Variants in MSRA observed in about 807,000 individuals in gnomAD.
MSRA encodes the protein methionine sulfoxide reductase A.
A neutral mutation model predicts 31.3 loss-of-function variants in MSRA; 54 were observed. The ratio of observed to expected loss-of-function variants is 1.73; its 90% CI spans 1.39 to 2.17. The LOEUF (loss-of-function observed/expected upper bound fraction) is 2.17. Among genes scored for constraint, MSRA ranks in the 30% most tolerant of loss-of-function variants. MSRA has a pLI of 0.00. For missense variants in MSRA, 507 were observed against 300.9 expected (o/e 1.69, Z -5.07); for synonymous variants, 169 against 116.5 (o/e 1.45, Z -2.90).
At chr8:10,395,417 A>G (rs1422721423) in intron 5 of MSRA, among the ~76,000 whole-genome samples, 1 of 152,162 alleles carries the variant, frequency 6.6e-6, no homozygotes, top group Non-Finnish European at 1.5e-5. Context: ...GGAGGTACTG[A>G]GGCTGGAAAG....
chr8:10,128,800 C>A (rs183978761), intron 1 of MSRA, among the ~76,000 whole-genome samples: 6 of 152,330 alleles, frequency 3.9e-5, no homozygotes, highest in African/African-American at 1.4e-4. Context: ...CTCATCTATT[C>A]ATTCATGCAA....
At chr8:10,221,693 G>A (rs1321921785) in intron 2 of MSRA, among the ~76,000 whole-genome samples, 1 of 152,202 alleles carries the variant, frequency 6.6e-6, no homozygotes, top group Admixed American at 6.5e-5. Flanking sequence ...CATATGGCAT[G>A]TCAGATTATG....
chr8:10,380,822 A>G (rs898350129), intron 5 of MSRA, among the ~76,000 whole-genome samples: 8 of 149,800 alleles, frequency 5.3e-5, no homozygotes, highest in Non-Finnish European at 7.4e-5. Flanking sequence ...GGTTGGGTGG[A>G]GAGATGGATG....
intron 1 of MSRA, among the ~76,000 whole-genome samples, chr8:10,180,337 C>G (rs1044579400): frequency 9.9e-5 from 15 of 152,200 alleles, no homozygotes; most frequent in Non-Finnish European, 2.2e-4. Context: ...AGCTTCCAGG[C>G]CCTTTGGGGT....
rs1303045833 is a variant in MSRA, at chr8:10,148,305, C to CT, written c.143-59514dup. Among the ~76,000 whole-genome samples the CT allele has an allele frequency of 8.1e-3, 1,113 of 138,144 alleles. 11 individuals are homozygous for CT. Among genetic ancestry groups the CT allele is most frequent in the African/African-American group, 0.018 (697 of 37,690 alleles). The allele number at this position is 138,144 out of a possible 152,430, so 90.6% of individuals were successfully genotyped here. The stretch of plus-strand genomic sequence containing the variant: ...TTTAGATCAGGGCTGAAGAGTTTTT[C>CT]TTTTTTTTTTTTTTATGAGAAAGGG... On this transcript the variant is annotated intron_variant, in intron 1 of 5. Transcript: ENST00000317173.
chr8:10,184,678 A>C (rs1806862955), intron 1 of MSRA, among the ~76,000 whole-genome samples: 1 of 152,076 alleles, frequency 6.6e-6, no homozygotes, highest in Admixed American at 6.5e-5. Flanking sequence ...ATTTGTTTTC[A>C]CTGATCTACT....
chr8:10,250,555 G>A (rs779098956), intron 3 of MSRA: 28 of 686,886 alleles, frequency 4.1e-5, no homozygotes, highest in Non-Finnish European at 5.0e-5. Flanking sequence ...CAAGCAGCAC[G>A]GGAAATCTGA....
chr8:10,337,556 T>A, intron 5 of MSRA: 1 of 618,222 alleles, frequency 1.6e-6, no homozygotes, highest in South Asian at 1.9e-5. Flanking sequence ...AAGTCTGATA[T>A]ACATCAATCC....
chr8:10,118,181 T>C (rs1307507767), intron 1 of MSRA, among the ~76,000 whole-genome samples: 2 of 152,172 alleles, frequency 1.3e-5, no homozygotes, highest in Non-Finnish European at 2.9e-5. Context: ...TGGAGTAATG[T>C]TTTTAGTTCA....
intron 1 of MSRA, among the ~76,000 whole-genome samples, chr8:10,073,859 A>G (rs1797858198): frequency 6.6e-6 from 1 of 151,752 alleles, no homozygotes; most frequent in Admixed American, 6.6e-5. Flanking sequence ...CTTTCATTTC[A>G]CTTCTTCTTG....
chr8:10,224,750 G>A (rs1298758494), intron 2 of MSRA, among the ~76,000 whole-genome samples: 1 of 152,174 alleles, frequency 6.6e-6, no homozygotes. Flanking sequence ...TCATTCCTTT[G>A]CTGGGGAAAT....
chr8:10,166,308 A>C (rs186706012), intron 1 of MSRA, among the ~76,000 whole-genome samples: 3 of 152,300 alleles, frequency 2.0e-5, no homozygotes, highest in Admixed American at 2.0e-4. Flanking sequence ...ACAGGAGTGC[A>C]TTTTGGCATA....
chr8:10,425,221 G>A (rs1809069895), intron 5 of MSRA, among the ~76,000 whole-genome samples: 1 of 152,196 alleles, frequency 6.6e-6, no homozygotes, highest in African/African-American at 2.4e-5. Context: ...GCCGGTGGCC[G>A]CCACCTCTAT....
At chr8:10,143,049 C>G (rs28461754) in intron 1 of MSRA, among the ~76,000 whole-genome samples, 5 of 152,182 alleles carry the variant, frequency 3.3e-5, no homozygotes, top group Admixed American at 3.3e-4. Flanking sequence ...GAAGATTTCA[C>G]TGGGGCATGC....
chr8:10,316,095 A>T (rs957701704), intron 4 of MSRA, among the ~76,000 whole-genome samples: 3 of 152,224 alleles, frequency 2.0e-5, no homozygotes, highest in African/African-American at 7.2e-5. Context: ...ACACTATTTC[A>T]TCTCCCTTGA....
chr8:10,120,858 C>T (rs1047737509), intron 1 of MSRA, among the ~76,000 whole-genome samples: 1 of 152,146 alleles, frequency 6.6e-6, no homozygotes, highest in Non-Finnish European at 1.5e-5. Flanking sequence ...CTCTGTGCAC[C>T]TGTACACGTC....
At chr8:10,327,252 C>G (rs531946632) in intron 5 of MSRA, among the ~76,000 whole-genome samples, 3 of 152,058 alleles carry the variant, frequency 2.0e-5, no homozygotes, top group Admixed American at 1.3e-4. Flanking sequence ...GTTTGTCCAC[C>G]CTTCCATCCA....
chr8:10,110,056 G>C (rs1028545834), intron 1 of MSRA, among the ~76,000 whole-genome samples: 1 of 151,952 alleles, frequency 6.6e-6, no homozygotes, highest in Non-Finnish European at 1.5e-5. Context: ...CGGATGGGAG[G>C]CCACTCTGAT....
chr8:10,405,718 C>T lies in MSRA; in HGVS notation c.544-22430C>T, dbSNP rs372410369. Among the ~76,000 whole-genome samples, 45 of 152,328 alleles carry T rather than the reference C, an allele frequency of 3.0e-4. No homozygotes were observed. In the South Asian group the frequency reaches 8.1e-3, roughly 27 times the overall value. ...AAGAATGCATACACAACCATGTGCT[C>T]ACACACACAATCACACACGTGTGTT... On this transcript the variant is annotated intron_variant, in intron 5 of 5. Coordinates refer to ENST00000317173, the MANE Select transcript of MSRA (RefSeq NM_012331.5).
Sources: allele counts gnomAD v4.1 joint callset (sites outside exome capture counted in the v4.1 genomes callset), GRCh38; gene constraint gnomAD v4.1.1; transcripts MANE v1.5; gene names NCBI Gene and HGNC (gene_info 2026-07-23, HGNC 2026-07-21).